The following NFIB variants were observed in gnomAD, a reference collection of about 807,000 sequenced individuals.
The protein encoded by NFIB is nuclear factor I B, also known as nuclear factor 1 B-type.
In NFIB, 11 loss-of-function variants were observed where a neutral mutation model predicts 61.5. The observed-to-expected ratio is 0.18, with a 90% confidence interval of 0.11 to 0.30. The LOEUF is 0.30. Ranked by LOEUF, NFIB falls within the 10% of genes least tolerant of loss-of-function variation. The pLI, the probability that NFIB is intolerant of heterozygous loss-of-function variation, is 1.00. For missense variants in NFIB, 471 were observed against 608.9 expected (o/e 0.77, Z 2.38); for synonymous variants, 260 against 216.5 (o/e 1.20, Z -1.76).
At chr9:14,152,805 T>G (rs1250272647) in intron 4 of NFIB, among the ~76,000 whole-genome samples, 2 of 151,914 alleles carry the variant, frequency 1.3e-5, no homozygotes, top group Non-Finnish European at 2.9e-5. Context: ...ATATAGCATG[T>G]TCTCACTCAT....
intron 10 of NFIB, among the ~76,000 whole-genome samples, chr9:14,100,054 G>A (rs752028666): frequency 6.6e-6 from 1 of 151,836 alleles, no homozygotes; most frequent in South Asian, 2.1e-4. Flanking sequence ...GCCTGGGTGA[G>A]GAAGTGAGAC....
intron 2 of NFIB, among the ~76,000 whole-genome samples, chr9:14,289,669 TA>T (rs977139596): frequency 2.6e-5 from 4 of 151,808 alleles, no homozygotes; most frequent in Non-Finnish European, 4.4e-5. Flanking sequence ...TAAAGACTAA[TA>T]AAAAATGACA....
chr9:14,509,957 C>G, the NFIB span, among the ~76,000 whole-genome samples: 5 of 152,280 alleles, frequency 3.3e-5, no homozygotes, highest in African/African-American at 1.2e-4. Flanking sequence ...AGTGCAATGG[C>G]GCAATCTTGG....
At chr9:14,252,854 C>T (rs1052463985) in intron 2 of NFIB, among the ~76,000 whole-genome samples, 9 of 151,654 alleles carry the variant, frequency 5.9e-5, no homozygotes, top group East Asian at 5.8e-4. Flanking sequence ...GACGGTCACC[C>T]GTATTAAACT....
intron 1 of NFIB, among the ~76,000 whole-genome samples, chr9:14,393,276 A>AT (rs1588416678): frequency 1.3e-5 from 2 of 152,166 alleles, no homozygotes; most frequent in East Asian, 3.9e-4. Context: ...ACACTGCAAC[A>AT]TTGGCTATGG....
intron 4 of NFIB, 71 bp from the exon 5 acceptor site, chr9:14,150,336 G>C: frequency 1.2e-6 from 2 of 1,600,654 alleles, no homozygotes; most frequent in South Asian, 1.1e-5. Flanking sequence ...TGTAATAATC[G>C]AGAATCTTTC....
the NFIB span, among the ~76,000 whole-genome samples, chr9:14,494,692 T>C: frequency 3.5e-4 from 53 of 152,348 alleles, no homozygotes; most frequent in African/African-American, 1.1e-3. Context: ...TCCTACCCAG[T>C]GATTTTACAT....
chr9:14,153,138 T>C (rs929278568), intron 4 of NFIB, among the ~76,000 whole-genome samples: 2 of 152,158 alleles, frequency 1.3e-5, no homozygotes, highest in African/African-American at 4.8e-5. Flanking sequence ...TCACATGGAT[T>C]CCATAAATAT....
intron 3 of NFIB, among the ~76,000 whole-genome samples, chr9:14,171,210 C>T (rs1465281789): frequency 2.0e-5 from 3 of 152,214 alleles, no homozygotes; most frequent in Non-Finnish European, 4.4e-5. Context: ...TATTCTATGT[C>T]ACGGCTTTAA....
chr9:14,166,519 T>C (rs573090574), intron 3 of NFIB, among the ~76,000 whole-genome samples: 6 of 152,324 alleles, frequency 3.9e-5, no homozygotes, highest in Middle Eastern at 3.4e-3. Flanking sequence ...ATCCACGAAA[T>C]GTAAAAATTT....
chr9:14,239,524 CTTA>C (rs921699010), intron 2 of NFIB, among the ~76,000 whole-genome samples: 2 of 152,054 alleles, frequency 1.3e-5, no homozygotes, highest in African/African-American at 2.4e-5. Flanking sequence ...CTACAAGTCA[CTTA>C]TTATCTATGA....
chr9:14,525,394 A>G, the NFIB span, among the ~76,000 whole-genome samples: 2 of 152,174 alleles, frequency 1.3e-5, no homozygotes, highest in Non-Finnish European at 2.9e-5. Flanking sequence ...TTCTCCCCTT[A>G]TCAGTGGAGT....
At chr9:14,339,795 A>C (rs2060929043) in intron 1 of NFIB, among the ~76,000 whole-genome samples, 1 of 152,194 alleles carries the variant, frequency 6.6e-6, no homozygotes, top group South Asian at 2.1e-4. Flanking sequence ...GGAGAGAATT[A>C]AGGGAGCCCA....
intron 2 of NFIB, among the ~76,000 whole-genome samples, chr9:14,278,997 G>C (rs2058190344): frequency 6.6e-6 from 1 of 152,058 alleles, no homozygotes; most frequent in South Asian, 2.1e-4. Context: ...TAAAAATAAG[G>C]TGTTTCTTAT....
chr9:14,291,213 G>A (rs535897635), intron 2 of NFIB, among the ~76,000 whole-genome samples: 1 of 152,068 alleles, frequency 6.6e-6, no homozygotes, highest in South Asian at 2.1e-4. Flanking sequence ...GCCAGGCAAG[G>A]TGGCTCACGC....
chr9:14,124,826 A>C (rs2039420735), intron 7 of NFIB, among the ~76,000 whole-genome samples: 1 of 152,224 alleles, frequency 6.6e-6, no homozygotes, highest in African/African-American at 2.4e-5. Flanking sequence ...CAAGTGTACT[A>C]GCCCAAAGGA....
intron 2 of NFIB, among the ~76,000 whole-genome samples, chr9:14,216,492 T>TTCTC (rs993666009): frequency 1.8e-5 from 2 of 110,738 alleles, no homozygotes; most frequent in Admixed American, 1.0e-4. Flanking sequence ...TCTCCATTCT[T>TTCTC]TCTCTCTCTC....
chr9:14,173,631 T>A (rs1007337833), intron 3 of NFIB, among the ~76,000 whole-genome samples: 1 of 152,174 alleles, frequency 6.6e-6, no homozygotes, highest in Non-Finnish European at 1.5e-5. Flanking sequence ...CTGAATTGTT[T>A]ATGGTTCTTG....
At chr9:14,385,538 G>A (rs1202843580) in intron 1 of NFIB, among the ~76,000 whole-genome samples, 2 of 152,020 alleles carry the variant, frequency 1.3e-5, no homozygotes, top group African/African-American at 4.8e-5. Context: ...CATTTGAAAT[G>A]TCGCATATGT....
Sources: allele counts gnomAD v4.1 joint callset (sites outside exome capture counted in the v4.1 genomes callset), GRCh38; gene constraint gnomAD v4.1.1; transcripts MANE v1.5; gene names NCBI Gene and HGNC (gene_info 2026-07-23, HGNC 2026-07-21).